PLCE1: variants seen among roughly 807,000 people sequenced by gnomAD.
The protein encoded by PLCE1 is phospholipase C epsilon 1.
In PLCE1, 119 loss-of-function variants were observed where a neutral mutation model predicts 242.8. The observed-to-expected ratio is 0.49, with a 90% CI of 0.42 to 0.57. The LOEUF (loss-of-function observed/expected upper bound fraction) is 0.57. Ranked by LOEUF, PLCE1 falls within the 20% of genes least tolerant of loss-of-function variation. The pLI is 0.00. For missense variants in PLCE1, 2,441 were observed against 2,788.8 expected (o/e 0.88, Z 2.81); for synonymous variants, 945 against 1,017.4 (o/e 0.93, Z 1.35).
At chr10:94,168,604 C>T (rs1463242903) in intron 3 of PLCE1, among the ~76,000 whole-genome samples, 7 of 152,176 alleles carry the variant, frequency 4.6e-5, no homozygotes, top group East Asian at 1.9e-4. Flanking sequence ...TGCTGTTTCC[C>T]ACCAGTCACT....
In PLCE1 at chr10:94,273,502, A is replaced by C; in HGVS notation, c.4507-60A>C. 2.8e-6 allele frequency: 4 copies of C among 1,420,614 alleles called. No homozygotes were observed. In the South Asian group the frequency reaches 4.7e-5, roughly 17 times the overall value. The allele number at this position is 1,420,614 out of a possible 1,614,324, so 88.0% of individuals were successfully genotyped here. ...TATCTACTATGTTTATGAAGTGTAC[A>C]TATATTTATCAATTATAGATAAAAG... On this transcript the variant is annotated intron_variant, in intron 18 of 32. Coordinates refer to ENST00000371380, the MANE Select transcript of PLCE1 (RefSeq NM_016341.4).
intron 3 of PLCE1, chr10:94,138,115 G>A (rs546751150): frequency 8.3e-6 from 3 of 363,184 alleles, no homozygotes; most frequent in Non-Finnish European, 1.6e-5. Context: ...TTAATGAGTG[G>A]CAGACAGACA....
intron 1 of PLCE1, among the ~76,000 whole-genome samples, chr10:94,030,302 T>C (rs1014217726): frequency 6.6e-5 from 10 of 152,126 alleles, no homozygotes; most frequent in African/African-American, 2.4e-4. Flanking sequence ...TGAGTTTCCC[T>C]TCCTTGCCTT....
intron 1 of PLCE1, among the ~76,000 whole-genome samples, chr10:94,027,246 T>G (rs1311318525): frequency 2.0e-5 from 3 of 152,206 alleles, no homozygotes; most frequent in Non-Finnish European, 4.4e-5. Flanking sequence ...TCTTCCTCTG[T>G]GTTAATGCAG....
At chr10:94,103,720 A>G (rs2045624224) in intron 2 of PLCE1, among the ~76,000 whole-genome samples, 1 of 152,166 alleles carries the variant, frequency 6.6e-6, no homozygotes, top group Non-Finnish European at 1.5e-5. Flanking sequence ...AAACTCAAGC[A>G]TCTTGCCTCC....
At chr10:94,236,669 A>G (rs910974143) in intron 7 of PLCE1, among the ~76,000 whole-genome samples, 3 of 152,232 alleles carry the variant, frequency 2.0e-5, no homozygotes, top group African/African-American at 2.4e-5. Flanking sequence ...AATTAACCCT[A>G]CACACACAAG....
chr10:94,249,831 A>G (rs547689811), intron 8 of PLCE1, among the ~76,000 whole-genome samples: 1 of 152,270 alleles, frequency 6.6e-6, no homozygotes, highest in East Asian at 1.9e-4. Context: ...ATGGCCCATA[A>G]TCCTGGGTAT....
intron 2 of PLCE1, among the ~76,000 whole-genome samples, chr10:94,037,825 C>T (rs538158658): frequency 1.3e-5 from 2 of 152,204 alleles, no homozygotes; most frequent in South Asian, 4.1e-4. Flanking sequence ...TTGGTAAGAG[C>T]GGGAATGAAA....
chr10:94,118,096 G>GT (rs985938207), intron 2 of PLCE1, among the ~76,000 whole-genome samples: 3 of 151,882 alleles, frequency 2.0e-5, no homozygotes, highest in Non-Finnish European at 4.4e-5. Flanking sequence ...AAATTGGAAG[G>GT]TTTTTTAAAA....
chr10:94,271,241 G>C (rs772474239), intron 18 of PLCE1, among the ~76,000 whole-genome samples: 1 of 148,480 alleles, frequency 6.7e-6, no homozygotes, highest in Non-Finnish European at 1.5e-5. Context: ...TCATCTGTCA[G>C]TTGTATGTGG....
intron 3 of PLCE1, 65 bp from the exon 4 acceptor site, chr10:94,171,115 A>G: frequency 7.7e-7 from 1 of 1,298,962 alleles, no homozygotes; most frequent in Non-Finnish European, 1.1e-6. Context: ...ATGGCTCTCA[A>G]GTAAATATCT....
intron 4 of PLCE1, among the ~76,000 whole-genome samples, chr10:94,218,785 T>G (rs780834942): frequency 2.6e-5 from 4 of 151,474 alleles, no homozygotes; most frequent in Non-Finnish European, 5.9e-5. Context: ...GACCAAGAAG[T>G]GGTAGAAGAA....
intron 4 of PLCE1, among the ~76,000 whole-genome samples, chr10:94,185,114 A>C (rs2048433122): frequency 6.6e-6 from 1 of 152,276 alleles, no homozygotes; most frequent in African/African-American, 2.4e-5. Context: ...AAGGGGATAA[A>C]GCAATGCCAG....
chr10:94,194,735 T>C (rs2048768094), intron 4 of PLCE1, among the ~76,000 whole-genome samples: 1 of 152,222 alleles, frequency 6.6e-6, no homozygotes, highest in South Asian at 2.1e-4. Flanking sequence ...TATGTAGGGA[T>C]GTTGCAAGAA....
At chr10:94,120,587 T>C (rs190143926) in intron 2 of PLCE1, 3 of 152,310 alleles carry the variant, frequency 2.0e-5, no homozygotes, top group Admixed American at 2.0e-4. Context: ...AGTTTTCCAG[T>C]AGAAGAAATA....
intron 4 of PLCE1, among the ~76,000 whole-genome samples, chr10:94,222,870 T>A (rs1224676879): frequency 2.0e-5 from 3 of 152,164 alleles, no homozygotes; most frequent in African/African-American, 7.2e-5. Flanking sequence ...GTGGGCTTGG[T>A]GCTGTTTGGA....
At position 94,297,590 on chromosome 10, in the gene PLCE1, T is replaced by TAA. The variant is rs71031568; in HGVS notation, c.5168-753_5168-752dup. On this transcript the variant is annotated intron_variant, in intron 23 of 32. Transcript: ENST00000371380. ...AGGCCTGCCCCAAACTTTAAATTTG[T>TAA]AAAAAAAAAAAAAAAAAAAAAAAAA... 4.9e-3 allele frequency among the ~76,000 whole-genome samples: 276 copies of TAA among 56,512 alleles called. 26 individuals carry two copies. The highest frequency in any genetic ancestry group is 7.2e-3 in the Non-Finnish European group (199 of 27,782). The allele number at this position is 56,512 out of a possible 152,430, so 37.1% of individuals were successfully genotyped here. A position where few individuals can be genotyped will look rare whatever the true frequency, so the allele number is the denominator to read the frequency against.
intron 2 of PLCE1, among the ~76,000 whole-genome samples, chr10:94,049,183 G>A (rs1350022305): frequency 2.0e-5 from 3 of 151,972 alleles, no homozygotes; most frequent in Non-Finnish European, 4.4e-5. Flanking sequence ...AAATTTTATA[G>A]TCAAACTTAT....
At chr10:94,297,872 C>A (rs2052897300) in intron 23 of PLCE1, among the ~76,000 whole-genome samples, 1 of 151,898 alleles carries the variant, frequency 6.6e-6, no homozygotes, top group African/African-American at 2.4e-5. Flanking sequence ...TTTGTTGTTT[C>A]CTATGAAAAA....
Sources: gnomAD v4.1 joint callset for allele counts (sites outside exome capture counted in the v4.1 genomes callset) on GRCh38, gnomAD v4.1.1 for gene constraint, MANE v1.5 for transcripts, NCBI Gene and HGNC (gene_info 2026-07-23, HGNC 2026-07-21) for gene names.